The following MAP3K13 variants were observed in gnomAD, a reference collection of about 807,000 sequenced individuals.
The protein encoded by MAP3K13 is mitogen-activated protein kinase kinase kinase 13.
A neutral mutation model predicts 104.0 loss-of-function variants in MAP3K13; 52 were observed. That is an observed-to-expected ratio of 0.50 (90% CI 0.40 to 0.63). The LOEUF (loss-of-function observed/expected upper bound fraction) is 0.63. MAP3K13 is among the 20% of genes least tolerant of loss of function. MAP3K13 has a pLI of 0.00. For missense variants in MAP3K13, 914 were observed against 1,218.5 expected, an observed-to-expected ratio of 0.75 and a Z score of 3.72; for synonymous variants, 394 against 442.2, an observed-to-expected ratio of 0.89 and a Z score of 1.37.
At chr3:185,396,746 G>T (rs1577506655) in intron 1 of MAP3K13, among the ~76,000 whole-genome samples, 1 of 152,198 alleles carries the variant, frequency 6.6e-6, no homozygotes, top group African/African-American at 2.4e-5. Flanking sequence ...AATGAGAGCT[G>T]ACTGTGATCC....
At chr3:185,404,871 C>T (rs1203367952) in intron 1 of MAP3K13, among the ~76,000 whole-genome samples, 3 of 152,184 alleles carry the variant, frequency 2.0e-5, no homozygotes, top group African/African-American at 7.2e-5. Flanking sequence ...CATGAGCCAC[C>T]GCGCGCAGCC....
intron 1 of MAP3K13, among the ~76,000 whole-genome samples, chr3:185,377,256 T>C (rs1299389017): frequency 6.6e-6 from 1 of 152,200 alleles, no homozygotes; most frequent in African/African-American, 2.4e-5. Context: ...TAACAGGCTT[T>C]AATCCTTTTA....
rs6796758 is a variant in MAP3K13, at chr3:185,393,988, T to C, written c.-86+30620T>C. Among the ~76,000 whole-genome samples, 11 of 152,244 alleles carry C rather than the reference T, an allele frequency of 7.2e-5. No homozygotes were observed. In the South Asian group the frequency reaches 1.2e-3, roughly 17 times the overall value. On this transcript the variant is annotated intron_variant, in intron 1 of 13. Transcript: ENST00000265026. ...GGAGGAATGAAAGAGAAAAGTCAAG[T>C]GTGGCCACTTATTCAAGGAGGTTGA...
intron 1 of MAP3K13, among the ~76,000 whole-genome samples, chr3:185,422,680 A>G (rs1714197675): frequency 6.6e-6 from 1 of 152,222 alleles, no homozygotes; most frequent in Admixed American, 6.5e-5. Context: ...AAAATAAATC[A>G]CACAAGTAAG....
At chr3:185,283,474 G>T (rs574513587) in intron 1 of MAP3K13, among the ~76,000 whole-genome samples, 9 of 152,114 alleles carry the variant, frequency 5.9e-5, no homozygotes, top group East Asian at 1.9e-4. Context: ...TGTTGTCGAA[G>T]GAATGAATGA....
intron 2 of MAP3K13, among the ~76,000 whole-genome samples, chr3:185,429,451 G>A (rs983334698): frequency 1.3e-5 from 2 of 151,958 alleles, no homozygotes; most frequent in Admixed American, 1.3e-4. Context: ...TCATGCAGTG[G>A]CCACATATTT....
chr3:185,454,885 T>TATATATATGAGATATATATATG (rs1560117800), intron 7 of MAP3K13, among the ~76,000 whole-genome samples: 2 of 68,056 alleles, frequency 2.9e-5, no homozygotes, highest in Non-Finnish European at 2.9e-5. Context: ...ATATATATGA[T>TATATATATGAGATATATATATG]ATATATATGA....
intron 13 of MAP3K13, 146 bp downstream of exon 13, chr3:185,480,675 T>C (rs1718395395): frequency 6.1e-6 from 5 of 814,958 alleles, no homozygotes; most frequent in African/African-American, 3.5e-5. Context: ...TATAAAGAAC[T>C]ACCTGAGACT....
At chr3:185,415,577 CTTTTTT>C (rs869297992) in intron 1 of MAP3K13, among the ~76,000 whole-genome samples, 20 of 72,992 alleles carry the variant, frequency 2.7e-4, no homozygotes, top group African/African-American at 1.3e-3. Flanking sequence ...GGGTTAATTT[CTTTTTT>C]TTTTTTTTTT....
chr3:185,292,544 C>A, intron 2 of MAP3K13: 1 of 560,844 alleles, frequency 1.8e-6, no homozygotes, highest in Non-Finnish European at 2.3e-6. Context: ...TTCCCCCCGG[C>A]CTACCTCACA....
intron 7 of MAP3K13, among the ~76,000 whole-genome samples, chr3:185,455,491 T>TATATATG (rs1219936558): frequency 1.2e-4 from 6 of 51,030 alleles, no homozygotes; most frequent in African/African-American, 3.6e-4. Flanking sequence ...ATATATGAGA[T>TATATATG]ATATACATGA....
At chr3:185,452,606 A>G (rs1036635606) in intron 7 of MAP3K13, among the ~76,000 whole-genome samples, 1 of 152,146 alleles carries the variant, frequency 6.6e-6, no homozygotes, top group African/African-American at 2.4e-5. Flanking sequence ...TGGGTTGGCA[A>G]TTTGGGCCAG....
chr3:185,344,537 C>G (rs1722843514), intron 2 of MAP3K13, among the ~76,000 whole-genome samples: 1 of 152,210 alleles, frequency 6.6e-6, no homozygotes, highest in African/African-American at 2.4e-5. Context: ...CACTTGACCC[C>G]TTTCCATTTA....
chr3:185,286,124 A>T (rs1720501932), intron 2 of MAP3K13, among the ~76,000 whole-genome samples: 1 of 151,982 alleles, frequency 6.6e-6, no homozygotes, highest in Admixed American at 6.6e-5. Flanking sequence ...TGCCTTATTT[A>T]TACTATTTTA....
upstream of MAP3K13, among the ~76,000 whole-genome samples, chr3:185,362,700 A>G (rs192138229): frequency 3.9e-4 from 60 of 152,266 alleles, no homozygotes; most frequent in African/African-American, 1.4e-3. Context: ...CAGGGCATAC[A>G]TGTCCACTAG....
chr3:185,310,841 T>A (rs1366599992), intron 2 of MAP3K13, among the ~76,000 whole-genome samples: 1 of 152,248 alleles, frequency 6.6e-6, no homozygotes, highest in Non-Finnish European at 1.5e-5. Flanking sequence ...TATGCTATCA[T>A]TGCCATTTTT....
At chr3:185,377,911 C>T (rs1724512345) in intron 1 of MAP3K13, among the ~76,000 whole-genome samples, 1 of 152,192 alleles carries the variant, frequency 6.6e-6, no homozygotes, top group East Asian at 1.9e-4. Context: ...AGTGGGGTCC[C>T]GCACAGATGG....
intron 1 of MAP3K13, among the ~76,000 whole-genome samples, chr3:185,373,618 G>A (rs533394842): frequency 1.3e-5 from 2 of 152,198 alleles, no homozygotes; most frequent in East Asian, 1.9e-4. Context: ...CTCCAGCCTG[G>A]GTGACAGAGA....
chr3:185,373,760 C>T (rs1285722312), intron 1 of MAP3K13, among the ~76,000 whole-genome samples: 1 of 133,642 alleles, frequency 7.5e-6, no homozygotes, highest in Non-Finnish European at 1.7e-5. Flanking sequence ...TCCATATTGC[C>T]CTACCCCTGC....
Sources: gnomAD v4.1 joint callset for allele counts (sites outside exome capture counted in the v4.1 genomes callset) on GRCh38, gnomAD v4.1.1 for gene constraint, MANE v1.5 for transcripts, NCBI Gene and HGNC (gene_info 2026-07-23, HGNC 2026-07-21) for gene names.